Variants in ADAMTS6 observed in about 807,000 individuals in gnomAD.
ADAMTS6 encodes A disintegrin and metalloproteinase with thrombospondin motifs 6.
ADAMTS6 carries 23 observed loss-of-function variants against 144.3 expected under a neutral mutation model. The observed-to-expected ratio is 0.16, with a 90% CI of 0.11 to 0.23. ADAMTS6 has a LOEUF of 0.23. ADAMTS6 is among the 10% of genes least tolerant of loss of function. The pLI is 1.00. For synonymous variants in ADAMTS6, 444 were observed against 457.5 expected (o/e 0.97, Z 0.38); for missense variants, 999 against 1,379.6 (o/e 0.72, Z 4.37).
intron 15 of ADAMTS6, among the ~76,000 whole-genome samples, chr5:65,233,855 C>A (rs1460400218): frequency 2.0e-5 from 3 of 152,000 alleles, no homozygotes; most frequent in Admixed American, 2.0e-4. Context: ...AAACTAGAGG[C>A]ATCACACTTC....
In ADAMTS6 at chr5:65,330,782, T is replaced by C. The variant is rs547024612; in HGVS notation, c.1118-1299A>G. Reference sequence around the variant, plus strand: ...AGACAGGCAAGAGTTGGGGAGGGAGTTGATTTCTGCCTCACAGAGTTATAA... The same window carrying C: ...AGACAGGCAAGAGTTGGGGAGGGAGCTGATTTCTGCCTCACAGAGTTATAA... On this transcript the variant is annotated intron_variant, in intron 8 of 24. Coordinates refer to ENST00000381055, the MANE Select transcript of ADAMTS6 (RefSeq NM_197941.4). Among the ~76,000 whole-genome samples the C allele has an allele frequency of 2.0e-5, 3 of 152,118 alleles. No homozygotes were observed. The East Asian group carries it at 5.8e-4, about 29-fold the overall frequency.
intron 7 of ADAMTS6, among the ~76,000 whole-genome samples, chr5:65,428,242 A>C (rs969453934): frequency 1.6e-4 from 24 of 151,904 alleles, no homozygotes; most frequent in African/African-American, 5.8e-4. Flanking sequence ...AAAAAAAAAA[A>C]AAAAAGTTAA....
At chr5:65,329,899 C>T (rs1746552133) in intron 8 of ADAMTS6, among the ~76,000 whole-genome samples, 1 of 151,900 alleles carries the variant, frequency 6.6e-6, no homozygotes, top group Non-Finnish European at 1.5e-5. Flanking sequence ...ATACAAGCAA[C>T]TTTCTAGTTA....
chr5:65,414,270 A>C (rs376405493), intron 7 of ADAMTS6, among the ~76,000 whole-genome samples: 18 of 151,938 alleles, frequency 1.2e-4, no homozygotes, highest in African/African-American at 4.1e-4. Flanking sequence ...ATTTTTTATT[A>C]TTTTCATTGT....
At chr5:65,412,189 A>T (rs1755106343) in intron 7 of ADAMTS6, among the ~76,000 whole-genome samples, 1 of 152,196 alleles carries the variant, frequency 6.6e-6, no homozygotes. Flanking sequence ...TTAATATGTG[A>T]TATATCCTGG....
chr5:65,220,985 T>G (rs756841098), intron 18 of ADAMTS6, among the ~76,000 whole-genome samples: 18 of 152,164 alleles, frequency 1.2e-4, no homozygotes, highest in Non-Finnish European at 2.5e-4. Flanking sequence ...GCCAATAAAT[T>G]TGAAAACTTT....
At chr5:65,379,546 TTC>T (rs2150132748) in intron 7 of ADAMTS6, among the ~76,000 whole-genome samples, 1 of 152,332 alleles carries the variant, frequency 6.6e-6, no homozygotes, top group African/African-American at 2.4e-5. Context: ...TGTGTGCATA[TTC>T]TGTTATGCTT....
intron 11 of ADAMTS6, among the ~76,000 whole-genome samples, chr5:65,277,925 C>T (rs1348896182): frequency 6.6e-6 from 1 of 152,094 alleles, no homozygotes; most frequent in Non-Finnish European, 1.5e-5. Context: ...GATTTTAGTG[C>T]ACCTCTCACC....
intron 7 of ADAMTS6, among the ~76,000 whole-genome samples, chr5:65,447,983 C>T (rs973000839): frequency 8.0e-5 from 12 of 150,584 alleles, no homozygotes; most frequent in Admixed American, 4.0e-4. Flanking sequence ...TAGAAAATGG[C>T]CTAAAGCTGC....
At chr5:65,292,674 C>T (rs78329859) in intron 10 of ADAMTS6, among the ~76,000 whole-genome samples, 2,304 of 152,162 alleles carry the variant, frequency 0.015, 55 homozygotes, top group African/African-American at 0.052. Flanking sequence ...GAGTTAAAGA[C>T]CAAAGAGACA....
intron 9 of ADAMTS6, among the ~76,000 whole-genome samples, chr5:65,305,910 C>A (rs759539190): frequency 3.9e-5 from 6 of 152,162 alleles, no homozygotes; most frequent in Non-Finnish European, 7.3e-5. Flanking sequence ...GCTGCAGGTG[C>A]CTGATCACTT....
At chr5:65,328,445 T>C (rs992887406) in intron 9 of ADAMTS6, among the ~76,000 whole-genome samples, 14 of 152,116 alleles carry the variant, frequency 9.2e-5, no homozygotes, top group African/African-American at 3.4e-4. Flanking sequence ...TTGACTAACA[T>C]TTTAAAGTTT....
chr5:65,427,798 A>AG (rs1756669686), intron 7 of ADAMTS6, among the ~76,000 whole-genome samples: 1 of 103,934 alleles, frequency 9.6e-6, no homozygotes, highest in Non-Finnish European at 2.3e-5. Flanking sequence ...ACTCGGTCTC[A>AG]AAAAAAAAAA....
chr5:65,330,399 G>A (rs916686225), intron 8 of ADAMTS6, among the ~76,000 whole-genome samples: 2 of 152,004 alleles, frequency 1.3e-5, no homozygotes, highest in African/African-American at 4.8e-5. Context: ...CATGCACATA[G>A]AAACAAAAAG....
At chr5:65,390,313 T>C (rs1288830861) in intron 7 of ADAMTS6, among the ~76,000 whole-genome samples, 1 of 152,152 alleles carries the variant, frequency 6.6e-6, no homozygotes, top group Non-Finnish European at 1.5e-5. Context: ...AAGAGGAACT[T>C]TATCATCCAA....
chr5:65,452,606 G>A (rs1758842650), intron 5 of ADAMTS6, 101 bp downstream of exon 5: 1 of 1,286,424 alleles, frequency 7.8e-7, no homozygotes, highest in Middle Eastern at 2.0e-4. Flanking sequence ...TTTTAGACAG[G>A]TAAATTCTTA....
At chr5:65,227,752 C>T (rs886542853) in intron 15 of ADAMTS6, among the ~76,000 whole-genome samples, 10 of 152,128 alleles carry the variant, frequency 6.6e-5, no homozygotes, top group Admixed American at 6.5e-5. Context: ...CCAATATTGT[C>T]AGTCTGTTTT....
intron 4 of ADAMTS6, among the ~76,000 whole-genome samples, chr5:65,459,450 T>C (rs1442197155): frequency 1.3e-5 from 2 of 152,156 alleles, no homozygotes; most frequent in Non-Finnish European, 2.9e-5. Context: ...CCCCAACCAC[T>C]ATGAACCTCA....
chr5:65,172,141 G>A (rs779293349), intron 23 of ADAMTS6, among the ~76,000 whole-genome samples: 36 of 149,034 alleles, frequency 2.4e-4, no homozygotes, highest in African/African-American at 7.6e-4. Context: ...TTGGCCAGGC[G>A]CGGTGGCTCA....
Sources: allele counts gnomAD v4.1 joint callset (sites outside exome capture counted in the v4.1 genomes callset), GRCh38; gene constraint gnomAD v4.1.1; transcripts MANE v1.5; gene names NCBI Gene and HGNC (gene_info 2026-07-23, HGNC 2026-07-21).